Variants in ADGRL3 observed in about 807,000 individuals in gnomAD.
ADGRL3 encodes calcium-independent alpha-latrotoxin receptor 3.
ADGRL3 carries 62 observed loss-of-function variants against 153.5 expected under a neutral mutation model. That is an observed-to-expected ratio of 0.40 (90% confidence interval 0.33 to 0.50). The LOEUF is 0.50. ADGRL3 is among the 20% of genes least tolerant of loss of function. The pLI, the probability that ADGRL3 is intolerant of heterozygous loss-of-function variation, is 0.47. For missense variants in ADGRL3, 1,641 were observed against 1,859.4 expected (o/e 0.88, Z 2.16); for synonymous variants, 710 against 672.5 (o/e 1.06, Z -0.86).
At chr4:61,770,738 G>T (rs2097074485) in intron 8 of ADGRL3, among the ~76,000 whole-genome samples, 1 of 152,076 alleles carries the variant, frequency 6.6e-6, no homozygotes, top group Non-Finnish European at 1.5e-5. Flanking sequence ...TAATAAAGAG[G>T]CTGACCTACC....
At chr4:61,292,910 G>C (rs2094276537) in intron 1 of ADGRL3, among the ~76,000 whole-genome samples, 1 of 152,126 alleles carries the variant, frequency 6.6e-6, no homozygotes, top group Non-Finnish European at 1.5e-5. Flanking sequence ...AGTGGCTTGA[G>C]TATATCTTCT....
At chr4:62,006,577 ATT>A (rs34336604) in intron 21 of ADGRL3, among the ~76,000 whole-genome samples, 2,594 of 130,704 alleles carry the variant, frequency 0.02, 68 homozygotes, top group African/African-American at 0.063. Context: ...CAATGTATAG[ATT>A]TTTTTTTTTT....
chr4:61,451,185 T>A (rs1392240208), intron 2 of ADGRL3, among the ~76,000 whole-genome samples: 3 of 152,142 alleles, frequency 2.0e-5, no homozygotes, highest in African/African-American at 7.2e-5. Flanking sequence ...ATAAAATAGA[T>A]GACTCAAATA....
chr4:61,527,429 AGGT>A lies in ADGRL3; in HGVS notation c.259+9912_259+9914del, dbSNP rs558113463. ...CTATAGCAACATAGTATTACTGAAA[AGGT>A]ACTTGTGTGAAACCTATTATTGTAT... On this transcript the variant is annotated intron_variant, in intron 4 of 26. Transcript: ENST00000683033. Among the ~76,000 whole-genome samples, 64 of 152,262 alleles carry A rather than the reference AGGT, an allele frequency of 4.2e-4. 1 individual carries two copies. The South Asian group carries it at 0.013, about 31-fold the overall frequency.
intron 1 of ADGRL3, among the ~76,000 whole-genome samples, chr4:61,330,607 G>C (rs973615395): frequency 3.3e-5 from 5 of 152,150 alleles, no homozygotes; most frequent in African/African-American, 1.2e-4. Flanking sequence ...CTGACATCAA[G>C]AATGAAGCCG....
chr4:61,972,987 A>G (rs2099034592), intron 17 of ADGRL3, among the ~76,000 whole-genome samples: 1 of 152,110 alleles, frequency 6.6e-6, no homozygotes, highest in Non-Finnish European at 1.5e-5. Context: ...ACAACTCTCT[A>G]AAATTATTTT....
At chr4:61,262,113 G>A (rs953895238) in intron 1 of ADGRL3, among the ~76,000 whole-genome samples, 2 of 152,086 alleles carry the variant, frequency 1.3e-5, no homozygotes, top group African/African-American at 2.4e-5. Flanking sequence ...ATCTCTGAGC[G>A]TCATCTTTGC....
intron 22 of ADGRL3, among the ~76,000 whole-genome samples, 196 bp downstream of exon 22, chr4:62,029,077 A>T (rs1428179258): frequency 6.6e-6 from 1 of 151,758 alleles, no homozygotes; most frequent in Admixed American, 6.6e-5. Flanking sequence ...CCAAAAAAAA[A>T]TTCTGCTTCA....
At chr4:61,678,450 T>G (rs961373796) in intron 6 of ADGRL3, among the ~76,000 whole-genome samples, 7 of 152,044 alleles carry the variant, frequency 4.6e-5, no homozygotes, top group African/African-American at 1.7e-4. Flanking sequence ...TGTATTACTT[T>G]AAAATGTCTT....
At chr4:61,348,382 A>T (rs1227248629) in intron 1 of ADGRL3, among the ~76,000 whole-genome samples, 1 of 152,022 alleles carries the variant, frequency 6.6e-6, no homozygotes, top group Non-Finnish European at 1.5e-5. Flanking sequence ...TGCTTTTTTA[A>T]CATTCTGTAA....
At chr4:61,669,033 TA>T (rs2094902368) in intron 5 of ADGRL3, among the ~76,000 whole-genome samples, 1 of 152,162 alleles carries the variant, frequency 6.6e-6, no homozygotes, top group Admixed American at 6.6e-5. Context: ...AAAATTTTTT[TA>T]AATGCCAGAT....
At chr4:61,564,734 T>C (rs1173176129) in intron 4 of ADGRL3, among the ~76,000 whole-genome samples, 2 of 152,190 alleles carry the variant, frequency 1.3e-5, no homozygotes, top group African/African-American at 4.8e-5. Context: ...CTAGCTTTAG[T>C]TAAAAGTGAG....
intron 6 of ADGRL3, among the ~76,000 whole-genome samples, chr4:61,705,369 A>C (rs1456646084): frequency 6.6e-6 from 1 of 151,252 alleles, no homozygotes; most frequent in Non-Finnish European, 1.5e-5. Context: ...TGGGTGGATC[A>C]CTTGTGTATA....
chr4:61,228,588 A>G (rs1213782795), intron 1 of ADGRL3, among the ~76,000 whole-genome samples: 1 of 152,212 alleles, frequency 6.6e-6, no homozygotes, highest in African/African-American at 2.4e-5. Context: ...AAGAAGAGCA[A>G]ACCATGACAG....
chr4:61,842,611 T>A (rs973949300), intron 9 of ADGRL3, among the ~76,000 whole-genome samples: 8 of 152,112 alleles, frequency 5.3e-5, no homozygotes, highest in African/African-American at 1.9e-4. Flanking sequence ...CACCATCTTC[T>A]CAGGTGTTTT....
chr4:61,762,574 T>C (rs2096925780), intron 8 of ADGRL3, among the ~76,000 whole-genome samples: 1 of 152,250 alleles, frequency 6.6e-6, no homozygotes, highest in East Asian at 1.9e-4. Flanking sequence ...ATTTAACTAG[T>C]GTGACAATAA....
rs1217305939 is a variant in ADGRL3 at position 61,738,754 on chromosome 4, T to C, written c.1399+5200T>C. On this transcript the variant is annotated intron_variant, in intron 8 of 26. Coordinates refer to ENST00000683033, the MANE Select transcript of ADGRL3 (RefSeq NM_001387552.1). ...ATGACATGTATGTTTGCATTATTTT[T>C]CAGAAGAAATGTCTTGAGAAATGGT... 1.0e-3 allele frequency among the ~76,000 whole-genome samples: 154 copies of C among 152,218 alleles called. 1 individual carries two copies. Among genetic ancestry groups the C allele is most frequent in the Non-Finnish European group, 1.8e-4 (12 of 68,042 alleles).
chr4:61,839,910 A>G (rs1255478242), intron 9 of ADGRL3, among the ~76,000 whole-genome samples: 1 of 151,806 alleles, frequency 6.6e-6, no homozygotes, highest in African/African-American at 2.4e-5. Flanking sequence ...TGATTAGGCT[A>G]TAGCACTCCA....
rs2096583697 is a variant in ADGRL3, at chr4:61,741,806, G to GA, written c.1399+8254dup. Among the ~76,000 whole-genome samples, 3 of 152,228 alleles carry GA rather than the reference G, an allele frequency of 2.0e-5. No individual in the cohort carries two copies. The South Asian group carries it at 6.2e-4, about 32-fold the overall frequency. ...TAGGTGACCTTCCAAATGGATGAGA[G>GA]AAGAGGCAAGGAATAAAAAGGTTCA... On this transcript the variant is annotated intron_variant, in intron 8 of 26. Coordinates refer to ENST00000683033, the MANE Select transcript of ADGRL3 (RefSeq NM_001387552.1).
Sources: allele counts gnomAD v4.1 joint callset (sites outside exome capture counted in the v4.1 genomes callset), GRCh38; gene constraint gnomAD v4.1.1; transcripts MANE v1.5; gene names NCBI Gene and HGNC (gene_info 2026-07-23, HGNC 2026-07-21).